Variants in SCARA5 observed in about 807,000 individuals in gnomAD.
SCARA5 encodes scavenger receptor class A member 5, also known as scavenger receptor class A, member 5 (putative).
Under a neutral mutation model 46.3 loss-of-function variants are expected in SCARA5, and 45 were observed. The observed-to-expected ratio is 0.97, with a 90% CI of 0.76 to 1.24. SCARA5 has a LOEUF of 1.24. Among genes scored for constraint, SCARA5 ranks in the 50% most tolerant of loss-of-function variants. The probability of loss-of-function intolerance (pLI) is 0.00; values close to 1 mark genes in which losing one functional copy is unlikely to be tolerated. For synonymous variants in SCARA5, 333 were observed against 306.5 expected (o/e 1.09, Z -0.90); for missense variants, 680 against 689.0 (o/e 0.99, Z 0.15).
Position 27,910,914 on chromosome 8 carries a change from C to T in SCARA5, c.917-1171G>A, listed in dbSNP as rs545903841. The stretch of plus-strand genomic sequence containing the variant: ...TTGGATACAGTCCCCATGACAATGG[C>T]GTGTGCTGCAGTTACTCATCTGAGA... On this transcript the variant is annotated intron_variant, in intron 4 of 8. Transcript: ENST00000354914. 5.9e-5 allele frequency among the ~76,000 whole-genome samples: 9 copies of T among 152,294 alleles called. No homozygotes were observed. The East Asian group carries it at 1.4e-3, about 23-fold the overall frequency.
chr8:27,979,611 T>C (rs975654666), intron 2 of SCARA5, among the ~76,000 whole-genome samples: 1 of 151,158 alleles, frequency 6.6e-6, no homozygotes. Context: ...TGGAGTGCAA[T>C]GGCATGATCT....
intron 1 of SCARA5, among the ~76,000 whole-genome samples, chr8:27,990,578 C>A (rs548281936): frequency 6.6e-6 from 1 of 152,272 alleles, no homozygotes; most frequent in Non-Finnish European, 1.5e-5. Context: ...CGGGAAGAGG[C>A]CCCGGGCACA....
chr8:27,881,733 G>A (rs375457155), intron 7 of SCARA5, among the ~76,000 whole-genome samples: 2 of 152,088 alleles, frequency 1.3e-5, no homozygotes, highest in South Asian at 2.1e-4. Context: ...GCAGTTTTAG[G>A]TTCGCAGAAA....
At chr8:27,953,301 C>T (rs540233073) in intron 3 of SCARA5, among the ~76,000 whole-genome samples, 78 of 152,318 alleles carry the variant, frequency 5.1e-4, no homozygotes, top group African/African-American at 1.1e-3. Context: ...TTCCTGCCCA[C>T]GGAGGATGCG....
chr8:27,942,417 C>G (rs866990708), intron 3 of SCARA5, among the ~76,000 whole-genome samples: 1 of 152,308 alleles, frequency 6.6e-6, no homozygotes, highest in East Asian at 1.9e-4. Context: ...CCAACCACCA[C>G]CACCAAGCCT....
chr8:27,976,112 C>G (rs1808520273), intron 2 of SCARA5, among the ~76,000 whole-genome samples: 1 of 151,814 alleles, frequency 6.6e-6, no homozygotes, highest in Non-Finnish European at 1.5e-5. Flanking sequence ...CGTCTTCTTC[C>G]GCAGCCGGGG....
chr8:27,979,752 G>C (rs1473395030), intron 2 of SCARA5, among the ~76,000 whole-genome samples: 2 of 152,052 alleles, frequency 1.3e-5, no homozygotes, highest in Non-Finnish European at 2.9e-5. Context: ...GTAGAGACAG[G>C]GTTCCACCAT....
intron 3 of SCARA5, among the ~76,000 whole-genome samples, chr8:27,956,928 G>T (rs996741066): frequency 1.3e-5 from 2 of 152,198 alleles, no homozygotes; most frequent in Non-Finnish European, 2.9e-5. Flanking sequence ...CTCTCCAAAA[G>T]GGTGGAGGAC....
chr8:27,918,989 AG>A, intron 4 of SCARA5, among the ~76,000 whole-genome samples: 1 of 3,252 alleles, frequency 3.1e-4, no homozygotes, highest in African/African-American at 1.3e-3. Flanking sequence ...GGAGGAGGGG[AG>A]AAGGGAGGAG....
At chr8:27,933,083 C>T (rs1807802665) in intron 3 of SCARA5, among the ~76,000 whole-genome samples, 1 of 152,212 alleles carries the variant, frequency 6.6e-6, no homozygotes, top group Non-Finnish European at 1.5e-5. Context: ...TAGTGGGATA[C>T]AGTTCAGCCC....
chr8:27,871,995 T>A lies in SCARA5; in HGVS notation c.1427A>T (p.Lys476Ile). Residue 476 changes from lysine (K) to isoleucine (I), a missense_variant, in exon 9 of 9, where the codon AAA (lysine) becomes ATA (isoleucine). By Grantham distance (102) the Lys-to-Ile change is moderately radical. Transcript: ENST00000354914. ...ATGTCCACAGTTTGTCACCCCCCAT[T>A]TGGAGAAGCTGCAGCGGAAGATGGT... ...EETIFRCSFSKWGVTNCGHAE... is the reference protein window; with the variant it reads ...EETIFRCSFSIWGVTNCGHAE... 1 of 1,614,212 alleles carries A rather than the reference T, an allele frequency of 6.2e-7. No individual in the cohort carries two copies. The highest frequency in any genetic ancestry group is 1.1e-5 in the South Asian group (1 of 91,084).
rs141394036 is a variant in SCARA5 at position 27,987,608 on chromosome 8, T to C, written c.8A>G (p.Asn3Ser). 1.1e-3 allele frequency: 1,721 copies of C among 1,611,740 alleles called. 2 individuals are homozygous for C. Among genetic ancestry groups the C allele is most frequent in the Admixed American group, 2.0e-3 (119 of 60,030 alleles). MENKAMYLHTVSD... is the reference protein window; with the variant it reads MESKAMYLHTVSD... ...GACGGTGTGTAGGTACATAGCTTTG[T>C]TCTCCATCACACCCTGCAACAGCTG... Residue 3 changes from asparagine to serine, a missense_variant, in exon 2 of 9, where the codon AAC becomes AGC. Transcript: ENST00000354914.
intron 5 of SCARA5, among the ~76,000 whole-genome samples, chr8:27,907,572 C>CTTTTTTTTTTTTT (rs144977060): frequency 1.0e-4 from 10 of 97,276 alleles, no homozygotes; most frequent in South Asian, 3.8e-4. Context: ...TCAGCAAACA[C>CTTTTTTTTTTTTT]TTTTTTTTTT....
intron 3 of SCARA5, among the ~76,000 whole-genome samples, chr8:27,932,526 G>A (rs1807791898): frequency 6.6e-6 from 1 of 152,204 alleles, no homozygotes; most frequent in South Asian, 2.1e-4. Context: ...AGATCAAGGT[G>A]CCACCAGGCT....
At chr8:27,889,986 T>C (rs910656426) in intron 7 of SCARA5, among the ~76,000 whole-genome samples, 9 of 152,260 alleles carry the variant, frequency 5.9e-5, no homozygotes, top group Non-Finnish European at 1.3e-4. Context: ...ATTTTTTCAA[T>C]TGCATATTTA....
intron 7 of SCARA5, among the ~76,000 whole-genome samples, chr8:27,897,624 G>A (rs1190070023): frequency 2.6e-5 from 4 of 152,234 alleles, no homozygotes; most frequent in Non-Finnish European, 5.9e-5. Context: ...GGGAGGGAAG[G>A]GCGGCACCGC....
intron 2 of SCARA5, among the ~76,000 whole-genome samples, chr8:27,985,104 C>T (rs868077602): frequency 1.3e-5 from 2 of 152,156 alleles, no homozygotes; most frequent in Non-Finnish European, 2.9e-5. Flanking sequence ...TGTGGTCCAG[C>T]CTATATTCTT....
chr8:27,906,195 C>G (rs1218218745), intron 6 of SCARA5, among the ~76,000 whole-genome samples: 1 of 152,118 alleles, frequency 6.6e-6, no homozygotes, highest in Non-Finnish European at 1.5e-5. Context: ...GAATGATTAG[C>G]AGTACTTTTT....
intron 4 of SCARA5, among the ~76,000 whole-genome samples, chr8:27,917,778 A>G (rs1807486039): frequency 6.6e-6 from 1 of 152,198 alleles, no homozygotes; most frequent in Non-Finnish European, 1.5e-5. Context: ...GTTATTTAAT[A>G]CTATTAGTTA....
Sources: allele counts gnomAD v4.1 joint callset (sites outside exome capture counted in the v4.1 genomes callset), GRCh38; gene constraint gnomAD v4.1.1; transcripts MANE v1.5; gene names NCBI Gene and HGNC (gene_info 2026-07-23, HGNC 2026-07-21).